The following FAM178B variants were observed in gnomAD, a reference collection of about 807,000 sequenced individuals.
FAM178B encodes the protein protein FAM178B.
FAM178B carries 82 observed loss-of-function variants against 91.7 expected under a neutral mutation model. That is an observed-to-expected ratio of 0.89 (90% confidence interval 0.75 to 1.07). The LOEUF is 1.07. FAM178B is among the 50% of genes least tolerant of loss of function. The pLI is 0.00. For missense variants in FAM178B, 769 were observed against 846.7 expected (o/e 0.91, Z 1.14); for synonymous variants, 368 against 359.4 (o/e 1.02, Z -0.27).
chr2:96,955,743 C>T (rs2081990326), intron 6 of FAM178B, among the ~76,000 whole-genome samples: 1 of 152,122 alleles, frequency 6.6e-6, no homozygotes, highest in South Asian at 2.1e-4. Flanking sequence ...CCCATAATGG[C>T]CCTGCTTGCT....
intron 12 of FAM178B, among the ~76,000 whole-genome samples, chr2:96,916,761 G>T (rs184126262): frequency 6.6e-6 from 1 of 152,196 alleles, no homozygotes; most frequent in Admixed American, 6.5e-5. Context: ...AGTCTTGAAC[G>T]CTGAGGCAGG....
At chr2:96,960,063 C>T (rs1340398750) in intron 6 of FAM178B, among the ~76,000 whole-genome samples, 1 of 152,198 alleles carries the variant, frequency 6.6e-6, no homozygotes, top group African/African-American at 2.4e-5. Flanking sequence ...GCACAACTGG[C>T]TATCTGCTAT....
Position 96,959,226 on chromosome 2 carries a change from A to G in FAM178B, c.887+1062T>C, listed in dbSNP as rs76637482. ...AAAAAAAAAAAAAAAAAAAAAAAAA[A>G]GTAATCCTGCAATAATGGTGTTGGT... On this transcript the variant is annotated intron_variant, in intron 6 of 16. Coordinates refer to ENST00000490605, the MANE Select transcript of FAM178B (RefSeq NM_001122646.3). Among the ~76,000 whole-genome samples the G allele has an allele frequency of 2.1e-5, 3 of 146,284 alleles. No homozygotes were observed. The East Asian group carries it at 5.9e-4, about 29-fold the overall frequency.
intron 9 of FAM178B, among the ~76,000 whole-genome samples, chr2:96,928,961 A>G (rs1054386051): frequency 6.9e-6 from 1 of 145,882 alleles, no homozygotes; most frequent in African/African-American, 2.8e-5. Flanking sequence ...ACTAGCCTGG[A>G]CAACGTAGGG....
At position 96,963,506 on chromosome 2, in the gene FAM178B, G is replaced by C. The variant is rs74976674; in HGVS notation, c.735-3066C>G. On this transcript the variant is annotated intron_variant, in intron 5 of 16. Coordinates refer to ENST00000490605, the MANE Select transcript of FAM178B (RefSeq NM_001122646.3). ...ACCTGCCTCGTGGGAGTCCATGTGG[G>C]ACGTCATGGCCGGCTGCCTTTCCCT... Among the ~76,000 whole-genome samples, 40 of 152,350 alleles carry C rather than the reference G, an allele frequency of 2.6e-4. No homozygotes were observed. In the East Asian group the frequency reaches 6.7e-3, roughly 26 times the overall value.
At chr2:96,977,607 C>T (rs975509422) in intron 1 of FAM178B, among the ~76,000 whole-genome samples, 1 of 151,800 alleles carries the variant, frequency 6.6e-6, no homozygotes, top group African/African-American at 2.4e-5. Context: ...TTGCAAAGTC[C>T]ATAGGGATGG....
At chr2:96,950,724 G>A (rs1303778991) in intron 7 of FAM178B, among the ~76,000 whole-genome samples, 1 of 152,184 alleles carries the variant, frequency 6.6e-6, no homozygotes, top group Non-Finnish European at 1.5e-5. Context: ...GTCAAGCCCT[G>A]GGCAAAATGT....
chr2:96,949,932 C>T (rs532608010), intron 7 of FAM178B: 132 of 964,176 alleles, frequency 1.4e-4, no homozygotes, highest in Admixed American at 6.8e-4. Context: ...CTGTCTGTAG[C>T]GACACAGGAG....
At chr2:96,921,733 A>C in intron 10 of FAM178B, 79 bp from the exon 11 acceptor site, 1 of 1,404,736 alleles carries the variant, frequency 7.1e-7, no homozygotes, top group Non-Finnish European at 9.8e-7. Context: ...TCCCTGGGAG[A>C]CACTTAGGCA....
Position 96,965,310 on chromosome 2 carries a change from T to C in FAM178B, c.734+2210A>G, listed in dbSNP as rs1021790000. Among the ~76,000 whole-genome samples, 7 of 152,130 alleles carry C rather than the reference T, an allele frequency of 4.6e-5. No individual in the cohort carries two copies. The South Asian group carries it at 6.2e-4, about 14-fold the overall frequency. On this transcript the variant is annotated intron_variant, in intron 5 of 16. Coordinates refer to ENST00000490605, the MANE Select transcript of FAM178B (RefSeq NM_001122646.3). ...AGATGAGAGCCACCATGCTCTGCCC[T>C]GGTTTTGTGGCTTTAAATGTCATAC...
rs1172673965 is a variant in FAM178B at position 96,976,690 on chromosome 2, CA to C, written c.74-4085del. 4.0e-5 allele frequency among the ~76,000 whole-genome samples: 6 copies of C among 150,152 alleles called. 1 individual carries two copies. The South Asian group carries it at 8.4e-4, about 21-fold the overall frequency. ...CGAAACCCCATCTTTACTAAAAATA[CA>C]AAAAAAATTAGCCAGGTATGGTGGT... On this transcript the variant is annotated intron_variant, in intron 1 of 16. Transcript: ENST00000490605.
chr2:96,896,457 A>G (rs1186832107), intron 13 of FAM178B, among the ~76,000 whole-genome samples: 2 of 151,934 alleles, frequency 1.3e-5, no homozygotes, highest in African/African-American at 4.8e-5. Context: ...ACCAGCGGGG[A>G]TGGGCCAGAC....
chr2:96,906,952 C>T (rs536140272), intron 12 of FAM178B, among the ~76,000 whole-genome samples: 195 of 152,288 alleles, frequency 1.3e-3, no homozygotes, highest in African/African-American at 4.4e-3. Context: ...TCACAGCGGG[C>T]GAGGAGGGCC....
chr2:96,878,127 GA>G lies in FAM178B; in HGVS notation c.1855-86del. The G allele has an allele frequency of 5.6e-6, 8 of 1,427,816 alleles. No individual in the cohort carries two copies. The East Asian group carries it at 1.6e-4, about 28-fold the overall frequency. 88.4% of individuals were successfully genotyped at this position (1,427,816 alleles called of 1,614,324 possible). On this transcript the variant is annotated intron_variant, in intron 15 of 16. Coordinates refer to ENST00000490605, the MANE Select transcript of FAM178B (RefSeq NM_001122646.3). Reference sequence around the variant, plus strand: ...CGGGCAGGAGGAGAACAAATTCAGAGAAAGGAAGGGGCACATTTGAGTGACT... The same window carrying G: ...CGGGCAGGAGGAGAACAAATTCAGAGAAGGAAGGGGCACATTTGAGTGACT...
At chr2:96,882,028 G>A (rs1387370831) in intron 14 of FAM178B, among the ~76,000 whole-genome samples, 2 of 152,158 alleles carry the variant, frequency 1.3e-5, no homozygotes, top group Admixed American at 1.3e-4. Context: ...GCTGAAGCTG[G>A]GTTCCCAGTA....
intron 9 of FAM178B, among the ~76,000 whole-genome samples, chr2:96,928,580 G>A (rs780011910): frequency 1.1e-4 from 17 of 152,104 alleles, no homozygotes; most frequent in East Asian, 1.9e-4. Context: ...CCAAACAAGC[G>A]GCTTGAAGAG....
chr2:96,931,660 T>C (rs945313661), intron 8 of FAM178B, among the ~76,000 whole-genome samples: 1 of 152,084 alleles, frequency 6.6e-6, no homozygotes, highest in Admixed American at 6.5e-5. Context: ...CTAAGCTCAC[T>C]GAAAAGTGCT....
intron 12 of FAM178B, among the ~76,000 whole-genome samples, chr2:96,912,388 A>G (rs1301961288): frequency 6.6e-6 from 1 of 151,952 alleles, no homozygotes; most frequent in East Asian, 1.9e-4. Flanking sequence ...CCCCGACTTC[A>G]TGGGCCTGTG....
chr2:96,921,666 A>G lies in FAM178B; in HGVS notation c.1288-12T>C, dbSNP rs767701191. 5.8e-6 allele frequency: 9 copies of G among 1,550,816 alleles called. No individual in the cohort carries two copies. The highest frequency in any genetic ancestry group is 1.2e-5 in the South Asian group (1 of 84,012). On this transcript the variant is annotated splice_polypyrimidine_tract_variant and intron_variant, in intron 10 of 16. Coordinates refer to ENST00000490605, the MANE Select transcript of FAM178B (RefSeq NM_001122646.3). ...CACAGCGCCAGAAACTGGAGAGAGA[A>G]AAGAGGGCAGGGGTGGCCAGGGCAT... is the stretch of plus-strand genomic sequence containing the variant.
Sources: gnomAD v4.1 joint callset for allele counts (sites outside exome capture counted in the v4.1 genomes callset) on GRCh38, gnomAD v4.1.1 for gene constraint, MANE v1.5 for transcripts, NCBI Gene and HGNC (gene_info 2026-07-23, HGNC 2026-07-21) for gene names.